SYNE2: variants seen among roughly 807,000 people sequenced by gnomAD.
The protein encoded by SYNE2 is nesprin-2.
In SYNE2, 431 loss-of-function variants were observed where a neutral mutation model predicts 856.3. The ratio of observed to expected loss-of-function variants is 0.50; its 90% CI spans 0.47 to 0.55. The LOEUF is 0.55. Among genes scored for constraint, SYNE2 ranks in the 20% least tolerant of loss-of-function variants. The pLI is 0.00. For missense variants in SYNE2, 8,129 were observed against 8,023.2 expected (o/e 1.01, Z -0.50); for synonymous variants, 2,923 against 2,872.3 (o/e 1.02, Z -0.56).
chr14:63,931,291 C>G (rs1182902324), intron 2 of SYNE2, among the ~76,000 whole-genome samples: 1 of 152,132 alleles, frequency 6.6e-6, no homozygotes, highest in Non-Finnish European at 1.5e-5. Context: ...GTGGCTCACG[C>G]CTGTAATCCC....
At chr14:63,808,339 A>C (rs989155537) in intron 1 of SYNE2, among the ~76,000 whole-genome samples, 1 of 151,898 alleles carries the variant, frequency 6.6e-6, no homozygotes, top group Non-Finnish European at 1.5e-5. Flanking sequence ...AAATACAAAA[A>C]TTTGCTGGGT....
rs144947173 is a variant in SYNE2, at chr14:64,162,596, A to G, written c.16299+320A>G. The G allele has an allele frequency of 1.5e-4, 59 of 398,104 alleles. 1 individual carries two copies. The East Asian group carries it at 3.4e-3, about 23-fold the overall frequency. 24.7% of individuals were successfully genotyped at this position (398,104 alleles called of 1,614,324 possible). On this transcript the variant is annotated intron_variant, in intron 88 of 115. Coordinates refer to ENST00000555002, the MANE Select transcript of SYNE2 (RefSeq NM_182914.3). The stretch of plus-strand genomic sequence containing the variant: ...AAAGCAAGTGTCTCAACTGAGTGTG[A>G]CCCTGTAAGAATAATACATGTTGTA...
intron 45 of SYNE2, among the ~76,000 whole-genome samples, chr14:64,037,727 ACCTC>A (rs1331734518): frequency 6.3e-4 from 9 of 14,382 alleles, no homozygotes; most frequent in African/African-American, 1.0e-3. Flanking sequence ...GGCGCCCCGC[ACCTC>A]CCTCCCGGAC....
chr14:64,053,675 T>G lies in SYNE2; in HGVS notation c.9744+18T>G, dbSNP rs779206407. 2.3e-5 allele frequency: 37 copies of G among 1,610,834 alleles called. No homozygotes were observed. The highest frequency in any genetic ancestry group is 2.5e-5 in the Non-Finnish European group (30 of 1,178,234). The stretch of plus-strand genomic sequence containing the variant: ...TGCGCACAGTAAGTTTTAAAAATTA[T>G]GCAGTTAGTGGCTGGGTGCGGGGGC... On this transcript the variant is annotated intron_variant, in intron 48 of 115. Coordinates refer to ENST00000555002, the MANE Select transcript of SYNE2 (RefSeq NM_182914.3).
chr14:64,099,094 G>A (rs1398361893), intron 63 of SYNE2: 5 of 420,734 alleles, frequency 1.2e-5, no homozygotes, highest in Non-Finnish European at 2.2e-5. Flanking sequence ...GATTTCTGAG[G>A]ACTTTCTCTG....
intron 1 of SYNE2, among the ~76,000 whole-genome samples, chr14:63,898,209 C>T (rs966855901): frequency 2.0e-5 from 3 of 151,976 alleles, no homozygotes; most frequent in South Asian, 2.1e-4. Context: ...ATGTAATCTT[C>T]CCCACAGCTT....
intron 43 of SYNE2, among the ~76,000 whole-genome samples, chr14:64,029,339 G>C (rs907505908): frequency 2.0e-5 from 3 of 152,190 alleles, no homozygotes; most frequent in Admixed American, 6.5e-5. Context: ...TAATTTAGTA[G>C]TTGCTGCTTT....
intron 1 of SYNE2, among the ~76,000 whole-genome samples, chr14:63,882,346 C>T (rs12586461): frequency 0.48 from 72,956 of 151,872 alleles, 17,809 homozygotes; most frequent in South Asian, 0.55. Flanking sequence ...AAACATATTC[C>T]ATATGTTGTA....
intron 94 of SYNE2, chr14:64,173,972 G>A (rs2153730334): frequency 1.4e-6 from 1 of 693,572 alleles, no homozygotes; most frequent in East Asian, 2.7e-5. Flanking sequence ...CACACTGCCT[G>A]CGGAGCGGCC....
intron 6 of SYNE2, among the ~76,000 whole-genome samples, chr14:63,948,774 G>A (rs201923658): frequency 0.22 from 8,594 of 39,078 alleles, 925 homozygotes; most frequent in African/African-American, 0.36. Flanking sequence ...ATATATGTAT[G>A]TGTGTGTGTA....
intron 64 of SYNE2, among the ~76,000 whole-genome samples, chr14:64,105,015 T>C (rs1007280348): frequency 6.6e-6 from 1 of 152,230 alleles, no homozygotes; most frequent in African/African-American, 2.4e-5. Context: ...AGATAAACTT[T>C]GGAGTTCTAC....
chr14:63,951,848 A>G (rs896153985), intron 7 of SYNE2, among the ~76,000 whole-genome samples: 9 of 152,168 alleles, frequency 5.9e-5, no homozygotes, highest in Non-Finnish European at 8.8e-5. Context: ...TCAAAGCCCC[A>G]TATATTTTAC....
intron 84 of SYNE2, 120 bp from the exon 85 acceptor site, chr14:64,152,444 C>T (rs1349144639): frequency 1.1e-6 from 1 of 926,074 alleles, no homozygotes; most frequent in Non-Finnish European, 1.6e-6. Flanking sequence ...TGATGTAATG[C>T]TATTTAATTA....
chr14:63,767,279 T>TA (rs1566553552), intron 1 of SYNE2, among the ~76,000 whole-genome samples: 1 of 151,808 alleles, frequency 6.6e-6, no homozygotes, highest in Non-Finnish European at 1.5e-5. Flanking sequence ...TTAATTTTTG[T>TA]ATTTTTTTTT....
At chr14:64,150,166 C>T (rs2098227661) in intron 84 of SYNE2, among the ~76,000 whole-genome samples, 1 of 150,476 alleles carries the variant, frequency 6.6e-6, no homozygotes, top group African/African-American at 2.4e-5. Flanking sequence ...CATGGTGGCA[C>T]ATGCCTGTAG....
In SYNE2 at chr14:64,141,272, A is replaced by G; in HGVS notation, c.14977-69A>G. ...CTATGTTTATTTGTTGACTCTAGCC[A>G]GTTATTCCGACTCTTACTTTCTGCT... is the stretch of plus-strand genomic sequence containing the variant. On this transcript the variant is annotated intron_variant, in intron 80 of 115. Transcript: ENST00000555002. 9.4e-6 allele frequency: 12 copies of G among 1,278,862 alleles called. No individual in the cohort carries two copies. In the South Asian group the frequency reaches 1.2e-4, roughly 12 times the overall value. 79.2% of individuals were successfully genotyped at this position (1,278,862 alleles called of 1,614,324 possible). A position where few individuals can be genotyped will look rare whatever the true frequency, so the allele number is the denominator to read the frequency against.
intron 1 of SYNE2, among the ~76,000 whole-genome samples, chr14:63,838,543 C>G (rs573369892): frequency 1.3e-5 from 2 of 151,820 alleles, no homozygotes; most frequent in South Asian, 4.2e-4. Context: ...TTAACAGGGT[C>G]TTGCTGTGTC....
chr14:63,930,899 C>T (rs1050924786), intron 2 of SYNE2, among the ~76,000 whole-genome samples: 4 of 152,072 alleles, frequency 2.6e-5, no homozygotes, highest in Non-Finnish European at 5.9e-5. Context: ...AATTATTGAA[C>T]CTGAGGAGGG....
chr14:64,025,350 A>G lies in SYNE2; in HGVS notation c.6181A>G (p.Lys2061Glu), dbSNP rs746358428. ...HDVIHWIKEI[K>E]ESLMVLNSSE... ...TGTAATTCATTGGATAAAAGAGATT[A>G]AAGAGTCCCTTATGGTTTTGAATTC... The change falls in exon 41 of 116, where the codon AAA (lysine) becomes GAA (glutamate). Residue 2061 changes from lysine to glutamate, a missense_variant. Lys to Glu is a moderately conservative substitution (Grantham distance 56). Coordinates refer to ENST00000555002, the MANE Select transcript of SYNE2 (RefSeq NM_182914.3). The G allele has an allele frequency of 4.3e-6, 7 of 1,614,042 alleles. No homozygotes were observed. The highest frequency in any genetic ancestry group is 3.3e-5 in the Admixed American group (2 of 60,024).
Sources: gnomAD v4.1 joint callset for allele counts (sites outside exome capture counted in the v4.1 genomes callset) on GRCh38, gnomAD v4.1.1 for gene constraint, MANE v1.5 for transcripts, NCBI Gene and HGNC (gene_info 2026-07-23, HGNC 2026-07-21) for gene names.